GATAD2A: variants seen among roughly 807,000 people sequenced by gnomAD.
GATAD2A encodes transcriptional repressor p66-alpha.
A neutral mutation model predicts 68.5 loss-of-function variants in GATAD2A; 12 were observed. The observed-to-expected ratio is 0.18, with a 90% CI of 0.11 to 0.28. The LOEUF is 0.28. GATAD2A is among the 10% of genes least tolerant of loss of function. The pLI is 1.00. For synonymous variants in GATAD2A, 410 were observed against 375.3 expected, an observed-to-expected ratio of 1.09 and a Z score of -1.07; for missense variants, 755 against 868.5, an observed-to-expected ratio of 0.87 and a Z score of 1.64.
chr19:19,494,165 T>G, intron 4 of GATAD2A, 129 bp from the exon 5 acceptor site: 1 of 589,844 alleles, frequency 1.7e-6, no homozygotes. Flanking sequence ...GCAGAACCTC[T>G]GAGCGCCTGA....
intron 1 of GATAD2A, among the ~76,000 whole-genome samples, chr19:19,389,920 G>A (rs2048722591): frequency 2.6e-5 from 4 of 151,944 alleles, no homozygotes; most frequent in South Asian, 4.2e-4. Flanking sequence ...ATGCCACCAC[G>A]CCCGGCTATA....
intron 11 of GATAD2A, 34 bp from the exon 12 acceptor site, chr19:19,505,310 G>T (rs964734905): frequency 6.2e-7 from 1 of 1,608,756 alleles, no homozygotes; most frequent in African/African-American, 1.3e-5. Flanking sequence ...TCCTGACGAG[G>T]GCCTTCTCAG....
rs143891175 is a variant in GATAD2A at position 19,486,537 on chromosome 19, G to A, written c.270-5769G>A. 5.2e-3 allele frequency among the ~76,000 whole-genome samples: 790 copies of A among 152,260 alleles called. 4 individuals carry two copies. The highest frequency in any genetic ancestry group is 0.041 in the South Asian group (198 of 4,824). On this transcript the variant is annotated intron_variant, in intron 2 of 11. Coordinates refer to ENST00000683918, the MANE Select transcript of GATAD2A (RefSeq NM_001384528.1). ...TGTGATCTGACAGCAGGATGCTCCC[G>A]CCCCACCAAATGACAGCCTTGGGGC...
intron 1 of GATAD2A, among the ~76,000 whole-genome samples, chr19:19,432,900 G>A (rs531251651): frequency 6.6e-6 from 1 of 152,300 alleles, no homozygotes; most frequent in Non-Finnish European, 1.5e-5. Flanking sequence ...AATATAGTTT[G>A]GAGACCTCCA....
rs191875328 is a variant in GATAD2A, at chr19:19,490,647, C to T, written c.270-1659C>T. 2.3e-3 allele frequency among the ~76,000 whole-genome samples: 353 copies of T among 152,162 alleles called. 3 individuals are homozygous for T. Among genetic ancestry groups the T allele is most frequent in the African/African-American group, 8.2e-3 (339 of 41,506 alleles). On this transcript the variant is annotated intron_variant, in intron 2 of 11. Coordinates refer to ENST00000683918, the MANE Select transcript of GATAD2A (RefSeq NM_001384528.1). ...CACTTCGATGAATGTACAATGAGGC[C>T]GAGGCGGGCGGATCATCTGAGGTCA...
rs1413042407 is a variant in GATAD2A at position 19,506,212 on chromosome 19, A to C, written c.*738A>C. ...ACGCCTCCATTGCTGCTTGTTCTGGAGACCCCCGCCCCCGCACCTTCCAGA... is the reference window on the plus strand; with the variant it reads ...ACGCCTCCATTGCTGCTTGTTCTGGCGACCCCCGCCCCCGCACCTTCCAGA... On this transcript the variant is annotated 3_prime_UTR_variant, in exon 12 of 12. Coordinates refer to ENST00000683918, the MANE Select transcript of GATAD2A (RefSeq NM_001384528.1). 1 of 398,440 alleles carries C rather than the reference A, an allele frequency of 2.5e-6. No homozygotes were observed. Among genetic ancestry groups the C allele is most frequent in the Admixed American group, 4.4e-5 (1 of 22,658 alleles). The allele number at this position is 398,440 out of a possible 1,614,324, so 24.7% of individuals were successfully genotyped here. A position where few individuals can be genotyped will look rare whatever the true frequency, so the allele number is the denominator to read the frequency against.
chr19:19,474,075 G>A (rs1351225679), intron 2 of GATAD2A: 4 of 984,938 alleles, frequency 4.1e-6, no homozygotes, highest in Non-Finnish European at 4.8e-6. Flanking sequence ...AGTGTGGACG[G>A]CTTTGTTTTG....
intron 1 of GATAD2A, among the ~76,000 whole-genome samples, chr19:19,443,016 A>G (rs1215220728): frequency 1.3e-5 from 2 of 151,968 alleles, no homozygotes; most frequent in African/African-American, 2.4e-5. Context: ...GGTGACAGGG[A>G]TGCTCTACAC....
chr19:19,477,176 G>A (rs10405475), intron 2 of GATAD2A, among the ~76,000 whole-genome samples: 4 of 152,056 alleles, frequency 2.6e-5, no homozygotes, highest in African/African-American at 9.7e-5. Flanking sequence ...GCTGAGGCTC[G>A]GGCAGATGCC....
At chr19:19,443,936 G>A (rs118082073) in intron 1 of GATAD2A, among the ~76,000 whole-genome samples, 116 of 152,104 alleles carry the variant, frequency 7.6e-4, no homozygotes, top group Middle Eastern at 3.4e-3. Flanking sequence ...CAGCCCACCA[G>A]ACAGCCTCTC....
chr19:19,458,733 C>T (rs1272789256), intron 1 of GATAD2A: 1 of 152,168 alleles, frequency 6.6e-6, no homozygotes, highest in Admixed American at 6.5e-5. Context: ...GAGTCTCTAG[C>T]ATATGGCACA....
chr19:19,465,680 G>GCTGGCCA, intron 2 of GATAD2A, 66 bp downstream of exon 2: 1 of 1,526,272 alleles, frequency 6.6e-7, no homozygotes, highest in Non-Finnish European at 8.8e-7. Flanking sequence ...CCAGGTTGGG[G>GCTGGCCA]CTGGCCACAC....
At chr19:19,463,838 G>A (rs2057660105) in intron 1 of GATAD2A, among the ~76,000 whole-genome samples, 1 of 152,214 alleles carries the variant, frequency 6.6e-6, no homozygotes, top group African/African-American at 2.4e-5. Flanking sequence ...GGCACAACAC[G>A]CATGTAGACG....
At chr19:19,480,660 C>G (rs1039198838) in intron 2 of GATAD2A, among the ~76,000 whole-genome samples, 18 of 152,238 alleles carry the variant, frequency 1.2e-4, no homozygotes, top group Non-Finnish European at 1.8e-4. Flanking sequence ...GTGGCGTCCC[C>G]TTCTGCAGAT....
Position 19,505,660 on chromosome 19 carries a change from GC to G in GATAD2A, c.*187del, listed in dbSNP as rs2060836918. Reference sequence around the variant, plus strand: ...TGCAAAGTTTCATCAGGGCTAGGGGGCTGGTGCCGCCTCATAGGCAGACGAG... The same window carrying G: ...TGCAAAGTTTCATCAGGGCTAGGGGGTGGTGCCGCCTCATAGGCAGACGAG... On this transcript the variant is annotated 3_prime_UTR_variant, in exon 12 of 12. Coordinates refer to ENST00000683918, the MANE Select transcript of GATAD2A (RefSeq NM_001384528.1). The G allele has an allele frequency of 1.9e-6, 1 of 535,008 alleles. No individual in the cohort carries two copies. Among genetic ancestry groups the G allele is most frequent in the Admixed American group, 4.1e-5 (1 of 24,174 alleles). 33.1% of individuals were successfully genotyped at this position (535,008 alleles called of 1,614,324 possible).
intron 1 of GATAD2A, among the ~76,000 whole-genome samples, chr19:19,389,356 C>A: frequency 6.6e-6 from 1 of 152,212 alleles, no homozygotes; most frequent in Non-Finnish European, 1.5e-5. Context: ...GTTCTTCCCT[C>A]TGACTCCATT....
chr19:19,411,642 G>A (rs116187958), intron 1 of GATAD2A, among the ~76,000 whole-genome samples: 4 of 151,984 alleles, frequency 2.6e-5, no homozygotes, highest in East Asian at 1.9e-4. Flanking sequence ...ACTCTTCAGC[G>A]TTGGGTGGGT....
intron 1 of GATAD2A, among the ~76,000 whole-genome samples, chr19:19,446,973 A>G (rs550523608): frequency 5.3e-5 from 8 of 152,224 alleles, no homozygotes; most frequent in Non-Finnish European, 1.0e-4. Context: ...TGAAAGTACT[A>G]TTTCAAATCT....
intron 1 of GATAD2A, among the ~76,000 whole-genome samples, chr19:19,452,542 G>T (rs1052506967): frequency 6.6e-6 from 1 of 152,066 alleles, no homozygotes; most frequent in African/African-American, 2.4e-5. Context: ...AGTCCAGGGA[G>T]CCCCAGTGTG....
Sources: allele counts gnomAD v4.1 joint callset (sites outside exome capture counted in the v4.1 genomes callset), GRCh38; gene constraint gnomAD v4.1.1; transcripts MANE v1.5; gene names NCBI Gene and HGNC (gene_info 2026-07-23, HGNC 2026-07-21).